The following TP53I13 variants were observed in gnomAD, a reference collection of about 807,000 sequenced individuals.
TP53I13 encodes the protein tumor protein p53-inducible protein 13.
TP53I13 carries 27 observed loss-of-function variants against 39.1 expected under a neutral mutation model. That is an observed-to-expected ratio of 0.69 (90% CI 0.51 to 0.95). TP53I13 has a LOEUF of 0.95. Among genes scored for constraint, TP53I13 ranks in the 40% least tolerant of loss-of-function variants. The probability of loss-of-function intolerance (pLI) is 0.00; values close to 1 mark genes in which losing one functional copy is unlikely to be tolerated. For missense variants in TP53I13, 544 were observed against 520.4 expected (o/e 1.05, Z -0.44); for synonymous variants, 230 against 224.6 (o/e 1.02, Z -0.22).
chr17:29,569,453 A>T (rs1567760419), intron 3 of TP53I13, 94 bp downstream of exon 3: 1 of 1,240,774 alleles, frequency 8.1e-7, no homozygotes, highest in East Asian at 2.4e-5. Context: ...GATCGGCCCC[A>T]TTCCTTACCA....
At chr17:29,582,184 G>GA in the TP53I13 span, 5 of 1,419,270 alleles carry the variant, frequency 3.5e-6, no homozygotes, top group Admixed American at 2.0e-5. Flanking sequence ...GCATGTGCGT[G>GA]AGGCGCACCT....
chr17:29,571,503 C>A, intron 3 of TP53I13, 88 bp from the exon 4 acceptor site: 1 of 1,573,630 alleles, frequency 6.4e-7, no homozygotes, highest in South Asian at 1.1e-5. Context: ...CCTGGGAGTA[C>A]CTTTAAACTG....
intron 3 of TP53I13, chr17:29,571,164 C>G (rs1165839210): frequency 5.4e-6 from 1 of 184,572 alleles, no homozygotes; most frequent in South Asian, 1.3e-4. Flanking sequence ...GGAGTATTTC[C>G]ATCCTGAGAT....
the TP53I13 span, chr17:29,578,630 G>C: frequency 2.7e-6 from 3 of 1,123,638 alleles, no homozygotes; most frequent in Non-Finnish European, 4.1e-6. Context: ...CAAAGACTTG[G>C]AAAAGGTCAT....
downstream of TP53I13, chr17:29,577,008 G>C (rs1459520422): frequency 1.9e-6 from 3 of 1,604,074 alleles, no homozygotes; most frequent in Non-Finnish European, 2.5e-6. Flanking sequence ...TGAGGACACA[G>C]GAGTGTCACT....
Position 29,572,980 on chromosome 17 carries a change from A to C in TP53I13, c.*56A>C. 7.6e-7 allele frequency: 1 copy of C among 1,323,120 alleles called. No individual in the cohort carries two copies. Among genetic ancestry groups the C allele is most frequent in the Non-Finnish European group, 9.7e-7 (1 of 1,031,230 alleles). The allele number at this position is 1,323,120 out of a possible 1,614,324, so 82.0% of individuals were successfully genotyped here. On this transcript the variant is annotated 3_prime_UTR_variant, in exon 7 of 7. Coordinates refer to ENST00000301057, the MANE Select transcript of TP53I13 (RefSeq NM_138349.4). Reference sequence around the variant, plus strand: ...CTCCTCCCCGCGCCGCGAGGCCGCGACCTCTGCCACGTGGACCGCGCGCGG... The same window carrying C: ...CTCCTCCCCGCGCCGCGAGGCCGCGCCCTCTGCCACGTGGACCGCGCGCGG...
At chr17:29,567,563 G>A (rs996630041), upstream of TP53I13, 2 of 152,180 alleles carry the variant, frequency 1.3e-5, no homozygotes, top group Non-Finnish European at 2.9e-5. The surrounding 1 kb of genome is among the most constrained non-coding windows in gnomAD (Gnocchi z 6.6). Flanking sequence ...CTGGGCTAGA[G>A]AGGTCGAGCG....
At chr17:29,576,790 G>C (rs2033221421), downstream of TP53I13, 19 of 1,575,982 alleles carry the variant, frequency 1.2e-5, no homozygotes, top group South Asian at 2.2e-4. Context: ...TGGGCTACAA[G>C]AGGACAGAGC....
the TP53I13 span, chr17:29,578,345 G>A: frequency 5.1e-5 from 82 of 1,614,128 alleles, no homozygotes; most frequent in Non-Finnish European, 6.2e-5. Context: ...CGTCCATGGC[G>A]AGTTCCTCAA....
Position 29,572,605 on chromosome 17 carries a change from T to A in TP53I13, c.977T>A (p.Leu326Gln), listed in dbSNP as rs779918146. 7.5e-6 allele frequency: 12 copies of A among 1,591,646 alleles called. No homozygotes were observed. The highest frequency in any genetic ancestry group is 1.0e-5 in the Non-Finnish European group (12 of 1,169,884). ...ACCTTCCTGCTGGTGCTGCTCACCC[T>A]GGCCACGCTCTGCACACGGCTGCAC... ...ALTFLLVLLT[L>Q]ATLCTRLHRN... is the part of the protein sequence containing the mutation. Residue 326 changes from leucine to glutamine, a missense_variant, in exon 6 of 7, where the codon CTG (leucine) becomes CAG (glutamine). Leu to Gln is a moderately radical substitution (Grantham distance 113). Transcript: ENST00000301057.
chr17:29,575,008 C>T (rs778607033), downstream of TP53I13: 1 of 1,476,770 alleles, frequency 6.8e-7, no homozygotes, highest in Non-Finnish European at 9.3e-7. The surrounding 1 kb of genome is among the most constrained non-coding windows in gnomAD (Gnocchi z 5.5). Flanking sequence ...AGGTAGCGAT[C>T]AGATGGGATT....
At chr17:29,573,297 T>G (rs1037387800), downstream of TP53I13, 17 of 214,376 alleles carry the variant, frequency 7.9e-5, no homozygotes, top group Admixed American at 1.0e-3. Flanking sequence ...AATGTGCTCG[T>G]GGGAGGGTGG....
downstream of TP53I13, chr17:29,576,770 C>T: frequency 6.3e-7 from 1 of 1,580,076 alleles, no homozygotes; most frequent in Non-Finnish European, 8.6e-7. Flanking sequence ...CCACCTGTCC[C>T]TCAGGCCCCT....
At chr17:29,578,627 T>C in the TP53I13 span, 3 of 1,096,888 alleles carry the variant, frequency 2.7e-6, no homozygotes, top group Non-Finnish European at 2.8e-6. Context: ...GGTCAAAGAC[T>C]TGGAAAAGGT....
At chr17:29,569,173 C>T (rs2150798650) in intron 2 of TP53I13, 87 bp downstream of exon 2, 1 of 1,484,384 alleles carries the variant, frequency 6.7e-7, no homozygotes, top group South Asian at 1.2e-5. Context: ...CCACAGTCAC[C>T]ATCTGAGGAC....
downstream of TP53I13, chr17:29,575,857 G>A (rs1436949602): frequency 1.2e-6 from 2 of 1,612,016 alleles, no homozygotes; most frequent in East Asian, 2.2e-5. This position sits in a 1 kb window ranked among gnomAD's most constrained non-coding sequence, Gnocchi z 5.5. Flanking sequence ...GCGGGGAGGA[G>A]GGAGTGAAGG....
the TP53I13 span, chr17:29,581,595 C>A: frequency 1.4e-6 from 1 of 706,900 alleles, no homozygotes; most frequent in Non-Finnish European, 2.5e-6. This position sits in a 1 kb window ranked among gnomAD's most constrained non-coding sequence, Gnocchi z 4.8. Flanking sequence ...CCAGAGCCTG[C>A]AGTAATTTCA....
the TP53I13 span, among the ~76,000 whole-genome samples, chr17:29,580,635 C>T: frequency 1.3e-5 from 2 of 152,214 alleles, no homozygotes; most frequent in East Asian, 3.9e-4. Flanking sequence ...AGCCAGCAGT[C>T]ACAAAGTTAG....
downstream of TP53I13, chr17:29,576,154 C>T (rs201494901): frequency 4.3e-6 from 7 of 1,612,974 alleles, no homozygotes; most frequent in East Asian, 4.5e-5. Flanking sequence ...GCACAGCGAG[C>T]GTCATGGTGG....
Sources: gnomAD v4.1 joint callset for allele counts (sites outside exome capture counted in the v4.1 genomes callset) on GRCh38, gnomAD v4.1.1 for gene constraint, Gnocchi (gnomAD v3.1) non-coding constraint, MANE v1.5 for transcripts, NCBI Gene and HGNC (gene_info 2026-07-23, HGNC 2026-07-21) for gene names.